CTNNA2: variants seen among roughly 807,000 people sequenced by gnomAD.
The protein encoded by CTNNA2 is catenin alpha 2, also known as catenin alpha-2.
In CTNNA2, 42 loss-of-function variants were observed where a neutral mutation model predicts 101.0. That is an observed-to-expected ratio of 0.42 (90% CI 0.32 to 0.54). CTNNA2 has a LOEUF of 0.54. CTNNA2 is among the 20% of genes least tolerant of loss of function. The pLI is 0.14. For synonymous variants in CTNNA2, 450 were observed against 456.4 expected (o/e 0.99, Z 0.18); for missense variants, 871 against 1,223.1 (o/e 0.71, Z 4.29).
At chr2:80,426,940 C>T (rs1039193159) in intron 9 of CTNNA2, among the ~76,000 whole-genome samples, 3 of 152,020 alleles carry the variant, frequency 2.0e-5, no homozygotes, top group Non-Finnish European at 2.9e-5. Flanking sequence ...CAGTTCCTTA[C>T]GTCTTTCACT....
intron 2 of CTNNA2, among the ~76,000 whole-genome samples, chr2:79,716,922 A>G (rs1409911499): frequency 6.6e-6 from 1 of 152,224 alleles, no homozygotes; most frequent in African/African-American, 2.4e-5. Context: ...GTGGTTGGAA[A>G]AATAATTGTG....
Position 80,227,834 on chromosome 2 carries a change from G to A in CTNNA2, c.1057-165377G>A, listed in dbSNP as rs536382754. Among the ~76,000 whole-genome samples, 661 of 150,216 alleles carry A rather than the reference G, an allele frequency of 4.4e-3. 7 individuals are homozygous for A. Among genetic ancestry groups the A allele is most frequent in the African/African-American group, 0.015 (614 of 40,866 alleles). ...TTACTGATGTATAAAGACAAAATTC[G>A]AAAAAAACAAAAAACAAAAAAAAAC... On this transcript the variant is annotated intron_variant, in intron 7 of 18. Coordinates refer to ENST00000402739, the MANE Select transcript of CTNNA2 (RefSeq NM_001282597.3).
intron 7 of CTNNA2, among the ~76,000 whole-genome samples, chr2:80,248,701 T>C (rs1018299753): frequency 1.3e-5 from 2 of 152,178 alleles, no homozygotes; most frequent in African/African-American, 4.8e-5. Flanking sequence ...TCAGAGGTGC[T>C]GGCTGTAATT....
chr2:80,524,630 C>T (rs1367623086), intron 9 of CTNNA2, among the ~76,000 whole-genome samples: 1 of 152,160 alleles, frequency 6.6e-6, no homozygotes, highest in Non-Finnish European at 1.5e-5. Flanking sequence ...GGCTCACATT[C>T]TTTCTTCTTC....
At chr2:80,375,658 A>T (rs1675881759) in intron 7 of CTNNA2, among the ~76,000 whole-genome samples, 1 of 136,762 alleles carries the variant, frequency 7.3e-6, no homozygotes, top group Admixed American at 8.3e-5. Context: ...TCCGCCTCCC[A>T]GGTTCATGCC....
chr2:79,223,279 A>G (rs969107347), intron 2 of CTNNA2, among the ~76,000 whole-genome samples: 1 of 152,156 alleles, frequency 6.6e-6, no homozygotes, highest in Admixed American at 6.5e-5. Context: ...CCAAAATCCA[A>G]CAATGCTGGC....
chr2:80,239,940 A>G (rs1709760203), intron 7 of CTNNA2, among the ~76,000 whole-genome samples: 1 of 152,046 alleles, frequency 6.6e-6, no homozygotes, highest in South Asian at 2.1e-4. Flanking sequence ...ACAAAACAAA[A>G]CAAAACAAAG....
intron 7 of CTNNA2, among the ~76,000 whole-genome samples, chr2:80,113,634 T>G (rs1701345535): frequency 6.6e-6 from 1 of 152,198 alleles, no homozygotes; most frequent in African/African-American, 2.4e-5. Context: ...CAGAGTTGAG[T>G]AGTTGTGACA....
At chr2:79,306,144 A>C (rs1676239182) in intron 2 of CTNNA2, among the ~76,000 whole-genome samples, 1 of 152,148 alleles carries the variant, frequency 6.6e-6, no homozygotes, top group African/African-American at 2.4e-5. Flanking sequence ...CAGGAAGATA[A>C]TCACCTTTTT....
chr2:79,528,856 C>T (rs1334669129), intron 1 of CTNNA2, among the ~76,000 whole-genome samples: 2 of 152,004 alleles, frequency 1.3e-5, no homozygotes, highest in Non-Finnish European at 2.9e-5. Flanking sequence ...AGTCTATTTA[C>T]GATACCAAGA....
intron 7 of CTNNA2, among the ~76,000 whole-genome samples, chr2:80,102,499 G>A (rs1382057279): frequency 6.6e-6 from 1 of 152,016 alleles, no homozygotes; most frequent in East Asian, 1.9e-4. Context: ...CACTAAATTT[G>A]TTTATTTATT....
chr2:79,498,168 T>G (rs1251584374), intron 4 of CTNNA2: 2 of 152,224 alleles, frequency 1.3e-5, no homozygotes, highest in Admixed American at 6.5e-5. Context: ...GAAAGAGAAA[T>G]GAGATCCTTG....
intron 7 of CTNNA2, among the ~76,000 whole-genome samples, chr2:80,295,272 G>A (rs1675645342): frequency 6.7e-6 from 1 of 149,620 alleles, no homozygotes. Flanking sequence ...CCACATCCCT[G>A]TGTCTCAGGT....
chr2:79,405,767 G>C (rs1358825774), intron 4 of CTNNA2, among the ~76,000 whole-genome samples: 1 of 151,948 alleles, frequency 6.6e-6, no homozygotes, highest in East Asian at 1.9e-4. Flanking sequence ...TTTTATCTTT[G>C]TGAGAGTACC....
intron 9 of CTNNA2, among the ~76,000 whole-genome samples, chr2:80,519,434 A>C (rs1202629910): frequency 6.6e-6 from 1 of 152,178 alleles, no homozygotes; most frequent in Non-Finnish European, 1.5e-5. Context: ...ATCTTTGAAA[A>C]AAAATCACAC....
At chr2:79,916,307 A>G (rs1253696922) in intron 7 of CTNNA2, among the ~76,000 whole-genome samples, 1 of 152,102 alleles carries the variant, frequency 6.6e-6, no homozygotes, top group Non-Finnish European at 1.5e-5. Flanking sequence ...GCTTCATTCA[A>G]GGGGAAGAGT....
In CTNNA2 at chr2:80,102,257, G is replaced by C. The variant is rs566745737; in HGVS notation, c.1056+192460G>C. ...AGAATTGCTGTCTGATTCACCCTCT[G>C]AGTGTGTCTTGACTCATGTTGACAG... On this transcript the variant is annotated intron_variant, in intron 7 of 18. Transcript: ENST00000402739. 7.9e-5 allele frequency among the ~76,000 whole-genome samples: 12 copies of C among 152,246 alleles called. No homozygotes were observed. The South Asian group carries it at 2.3e-3, about 29-fold the overall frequency.
chr2:80,304,699 A>G (rs1249045579), intron 7 of CTNNA2: 1 of 152,606 alleles, frequency 6.6e-6, no homozygotes, highest in Non-Finnish European at 1.5e-5. Context: ...CCTTCCCTCC[A>G]CCAGGCAGTG....
chr2:79,250,662 ATTC>A (rs1674759712), intron 2 of CTNNA2, among the ~76,000 whole-genome samples: 2 of 152,128 alleles, frequency 1.3e-5, no homozygotes, highest in African/African-American at 4.8e-5. Context: ...TATGAATTTT[ATTC>A]TTCCTGCTAG....
Sources: allele counts gnomAD v4.1 joint callset (sites outside exome capture counted in the v4.1 genomes callset), GRCh38; gene constraint gnomAD v4.1.1; transcripts MANE v1.5; gene names NCBI Gene and HGNC (gene_info 2026-07-23, HGNC 2026-07-21).